The following ABCB1 variants were observed in gnomAD, a reference collection of about 807,000 sequenced individuals.
ABCB1 encodes the protein ATP binding cassette subfamily B member 1.
In ABCB1, 69 loss-of-function variants were observed where a neutral mutation model predicts 142.0. The observed-to-expected ratio is 0.49, with a 90% CI of 0.40 to 0.59. The LOEUF is 0.59. ABCB1 is among the 20% of genes least tolerant of loss of function. The pLI is 0.00. For missense variants in ABCB1, 1,326 were observed against 1,554.7 expected, an observed-to-expected ratio of 0.85 and a Z score of 2.47; for synonymous variants, 532 against 539.2, an observed-to-expected ratio of 0.99 and a Z score of 0.18.
chr7:87,573,844 A>G (rs1389559487), intron 4 of ABCB1, among the ~76,000 whole-genome samples: 1 of 152,172 alleles, frequency 6.6e-6, no homozygotes, highest in Non-Finnish European at 1.5e-5. Flanking sequence ...CTGCTGCTGC[A>G]TTAAAAAAAT....
chr7:87,604,261 C>T (rs184104568), upstream of ABCB1, among the ~76,000 whole-genome samples: 11 of 152,142 alleles, frequency 7.2e-5, no homozygotes, highest in African/African-American at 2.2e-4. Context: ...TTTCCTAGCT[C>T]CTCTATTTAG....
chr7:87,708,754 A>G (rs1829820217), intron 1 of ABCB1, among the ~76,000 whole-genome samples: 1 of 152,070 alleles, frequency 6.6e-6, no homozygotes, highest in Non-Finnish European at 1.5e-5. Context: ...TGGTAAAATG[A>G]ATTTCTTCTC....
At chr7:87,637,123 G>A (rs1821857569) in intron 1 of ABCB1, among the ~76,000 whole-genome samples, 1 of 152,170 alleles carries the variant, frequency 6.6e-6, no homozygotes, top group African/African-American at 2.4e-5. Context: ...CCCATGATAT[G>A]TGGGGATTAT....
chr7:87,703,210 A>G (rs1385399430), intron 1 of ABCB1, among the ~76,000 whole-genome samples: 1 of 152,170 alleles, frequency 6.6e-6, no homozygotes, highest in Non-Finnish European at 1.5e-5. Context: ...TTTCCAAATT[A>G]TAATTTCCAA....
intron 1 of ABCB1, among the ~76,000 whole-genome samples, chr7:87,674,138 G>A (rs73705298): frequency 0.014 from 2,129 of 152,216 alleles, 52 homozygotes; most frequent in African/African-American, 0.049. Context: ...GGGTGGTACC[G>A]GCCAAACCAC....
At position 87,504,372 on chromosome 7, in the gene ABCB1, C is replaced by T. The variant is rs755563103; in HGVS notation, c.3714G>A (p.Gln1238=). 25 of 1,614,020 alleles carry T rather than the reference C, an allele frequency of 1.5e-5. No individual in the cohort carries two copies. In the Admixed American group the frequency reaches 2.7e-4, roughly 17 times the overall value. ...IVIAHRLSTI[Q]NADLIVVFQN... is the part of the protein sequence containing the mutation. ...GAAACACCACTATTAAGTCTGCATT[C>T]TGGATGGTGGACAGGCGGTGAGCAA... The change falls in exon 28 of 28, where the codon CAG becomes CAA. Residue 1238 remains glutamine, a synonymous_variant. Transcript: ENST00000622132.
chr7:87,651,902 T>G (rs543129727), intron 1 of ABCB1, among the ~76,000 whole-genome samples: 6 of 152,278 alleles, frequency 3.9e-5, no homozygotes, highest in Admixed American at 2.6e-4. Context: ...GTAAAATTGC[T>G]AATGCTTTTT....
intron 1 of ABCB1, among the ~76,000 whole-genome samples, chr7:87,665,380 G>T (rs1825121611): frequency 6.6e-6 from 1 of 152,044 alleles, no homozygotes; most frequent in South Asian, 2.1e-4. Flanking sequence ...ATTCAGGCAA[G>T]GAAGTGAAAC....
At chr7:87,697,871 C>T (rs953559019) in intron 1 of ABCB1, among the ~76,000 whole-genome samples, 2 of 152,006 alleles carry the variant, frequency 1.3e-5, no homozygotes, top group African/African-American at 2.4e-5. Flanking sequence ...TCAGGTCCAC[C>T]GGACTCAAAG....
rs376285850 is a variant in ABCB1 at position 87,658,831 on chromosome 7, C to T, written c.-331+54330G>A. Among the ~76,000 whole-genome samples the T allele has an allele frequency of 2.8e-4, 42 of 152,160 alleles. No homozygotes were observed. In the South Asian group the frequency reaches 7.7e-3, roughly 28 times the overall value. ...AAAGACAACTAAGGAAATGTGTTGC[C>T]GGCAGACTTACCCTCAAATAATGGT... is the stretch of plus-strand genomic sequence containing the variant. On this transcript the variant is annotated intron_variant, in intron 1 of 28. Transcript: ENST00000265724.
intron 3 of ABCB1, among the ~76,000 whole-genome samples, chr7:87,587,330 T>C (rs547507927): frequency 6.6e-6 from 1 of 152,206 alleles, no homozygotes; most frequent in African/African-American, 2.4e-5. Flanking sequence ...ATAATAAAAA[T>C]AAGTGGATCA....
In ABCB1 at chr7:87,707,534, TGTG is replaced by T. The variant is rs566901130; in HGVS notation, c.-331+5624_-331+5626del. On this transcript the variant is annotated intron_variant, in intron 1 of 28. Coordinates refer to the ABCB1 transcript ENST00000265724. ...ACAAAAAATACAAAAATTAGCCAGG[TGTG>T]GTGGCACGCACCTGTAGCCCCAGCT... Among the ~76,000 whole-genome samples, 32 of 151,966 alleles carry T rather than the reference TGTG, an allele frequency of 2.1e-4. No individual in the cohort carries two copies. In the East Asian group the frequency reaches 6.0e-3, roughly 29 times the overall value.
chr7:87,662,633 C>T (rs1824829065), intron 1 of ABCB1, among the ~76,000 whole-genome samples: 2 of 151,972 alleles, frequency 1.3e-5, no homozygotes, highest in South Asian at 4.1e-4. Flanking sequence ...TATGCCAGTA[C>T]CATGGTGTTT....
intron 1 of ABCB1, among the ~76,000 whole-genome samples, chr7:87,643,522 T>TTGGG (rs1822660766): frequency 6.6e-6 from 1 of 152,088 alleles, no homozygotes; most frequent in African/African-American, 2.4e-5. Context: ...GAATTCTTTT[T>TTGGG]TGGGTGTGTG....
At chr7:87,612,490 T>C (rs1819886077) in intron 1 of ABCB1, among the ~76,000 whole-genome samples, 1 of 152,140 alleles carries the variant, frequency 6.6e-6, no homozygotes. Context: ...GACTATCCAA[T>C]TTTCTCAGCA....
intron 1 of ABCB1, among the ~76,000 whole-genome samples, chr7:87,614,346 A>G (rs990134929): frequency 1.3e-5 from 2 of 152,154 alleles, no homozygotes; most frequent in Non-Finnish European, 2.9e-5. Context: ...ACAGTGAGCA[A>G]TCATGCCACT....
chr7:87,628,588 T>TGCGTGC (rs1563084239), intron 1 of ABCB1: 1 of 29,724 alleles, frequency 3.4e-5, no homozygotes, highest in East Asian at 1.1e-3. Flanking sequence ...TGCGTGCGTG[T>TGCGTGC]GTGTGTGTGT....
intron 17 of ABCB1, among the ~76,000 whole-genome samples, chr7:87,543,647 G>A (rs750964506): frequency 3.3e-5 from 5 of 152,128 alleles, no homozygotes; most frequent in African/African-American, 4.8e-5. Flanking sequence ...TTAGGAAGCC[G>A]TTCCTATTTG....
chr7:87,566,768 T>C lies in ABCB1; in HGVS notation c.530+17A>G. 1 of 1,613,380 alleles carries C rather than the reference T, an allele frequency of 6.2e-7. No individual in the cohort carries two copies. Among genetic ancestry groups the C allele is most frequent in the Non-Finnish European group, 8.5e-7 (1 of 1,179,366 alleles). Reference sequence around the variant, plus strand: ...ATAAGAACGACACCCAAGTTCAACATAAAACTAAATACTTACTCTGTAAGT... The same window carrying C: ...ATAAGAACGACACCCAAGTTCAACACAAAACTAAATACTTACTCTGTAAGT... On this transcript the variant is annotated intron_variant, in intron 6 of 27. Coordinates refer to ENST00000622132, the MANE Select transcript of ABCB1 (RefSeq NM_001348946.2).
Sources: gnomAD v4.1 joint callset for allele counts (sites outside exome capture counted in the v4.1 genomes callset) on GRCh38, gnomAD v4.1.1 for gene constraint, MANE v1.5 for transcripts, NCBI Gene and HGNC (gene_info 2026-07-23, HGNC 2026-07-21) for gene names.